The following ASCC3 variants were observed in gnomAD, a reference collection of about 807,000 sequenced individuals.
ASCC3 encodes the protein activating signal cointegrator 1 complex subunit 3, also known as ASC-1 complex subunit P200.
In ASCC3, 158 loss-of-function variants were observed where a neutral mutation model predicts 256.3. The observed-to-expected ratio is 0.62, with a 90% confidence interval of 0.54 to 0.70. ASCC3 has a LOEUF of 0.70. Ranked by LOEUF, ASCC3 falls within the 30% of genes least tolerant of loss-of-function variation. The pLI is 0.00. For missense variants in ASCC3, 2,259 were observed against 2,626.0 expected (o/e 0.86, Z 3.05); for synonymous variants, 948 against 883.4 (o/e 1.07, Z -1.30).
At position 100,867,991 on chromosome 6, in the gene ASCC3, AAGCCATCTATTATTCAATC is replaced by A; in HGVS notation, c.-13_6del. ...CGCAAGGCTCCTGTGAGACGAGGTA[AAGCCATCTATTATTCAATC>A]AGTGATCCATACAGCAAGAAACCTG... On this transcript the variant is annotated start_lost and 5_prime_UTR_variant, in exon 2 of 42. Coordinates refer to ENST00000369162, the MANE Select transcript of ASCC3 (RefSeq NM_006828.4). The A allele has an allele frequency of 6.2e-7, 1 of 1,612,136 alleles. No homozygotes were observed. The highest frequency in any genetic ancestry group is 1.1e-5 in the South Asian group (1 of 90,984).
chr6:100,583,627 A>T (rs141602435), intron 36 of ASCC3, among the ~76,000 whole-genome samples: 5,176 of 152,112 alleles, frequency 0.034, 266 homozygotes, highest in African/African-American at 0.12. Context: ...TGCCTTCTGC[A>T]AGCTTTTGAA....
chr6:100,838,311 T>A (rs1411311818), intron 4 of ASCC3, among the ~76,000 whole-genome samples: 1 of 151,988 alleles, frequency 6.6e-6, no homozygotes, highest in Non-Finnish European at 1.5e-5. Context: ...GAATTGACAG[T>A]TCATATGGAT....
chr6:100,877,455 T>C (rs1372539811), intron 1 of ASCC3, among the ~76,000 whole-genome samples: 1 of 152,206 alleles, frequency 6.6e-6, no homozygotes, highest in Non-Finnish European at 1.5e-5. Context: ...TTTTTAAAAA[T>C]TGAGTTGTGA....
At chr6:100,570,766 T>C (rs1184647821) in intron 36 of ASCC3, among the ~76,000 whole-genome samples, 2 of 152,202 alleles carry the variant, frequency 1.3e-5, no homozygotes, top group Admixed American at 1.3e-4. Context: ...CTTTATTCAT[T>C]GCTTTTCACC....
intron 11 of ASCC3, among the ~76,000 whole-genome samples, chr6:100,723,339 T>G (rs1779435113): frequency 6.6e-6 from 1 of 151,736 alleles, no homozygotes; most frequent in African/African-American, 2.4e-5. Flanking sequence ...AAAATATTTA[T>G]GCATCCAAAT....
chr6:100,632,165 A>T (rs1774582383), intron 25 of ASCC3, among the ~76,000 whole-genome samples: 1 of 144,534 alleles, frequency 6.9e-6, no homozygotes, highest in Non-Finnish European at 1.5e-5. Context: ...TAGAATATAT[A>T]CTGTTAGCAA....
chr6:100,738,473 A>T (rs556299770), intron 10 of ASCC3, among the ~76,000 whole-genome samples: 42 of 152,164 alleles, frequency 2.8e-4, no homozygotes, highest in Non-Finnish European at 5.4e-4. Context: ...TTAAATAGGG[A>T]ATCCTTTCCC....
chr6:100,723,305 G>A (rs1013248111), intron 11 of ASCC3, among the ~76,000 whole-genome samples: 2 of 151,428 alleles, frequency 1.3e-5, no homozygotes, highest in African/African-American at 2.4e-5. Context: ...AATTTCAGGG[G>A]TGTGTCTTAC....
intron 30 of ASCC3, 121 bp from the exon 31 acceptor site, chr6:100,607,209 T>A: frequency 9.8e-7 from 1 of 1,017,340 alleles, no homozygotes; most frequent in Non-Finnish European, 1.5e-6. Context: ...AAAATATAAG[T>A]CCTATATACA....
At chr6:100,727,333 T>C (rs1241167725) in intron 10 of ASCC3, among the ~76,000 whole-genome samples, 4 of 151,862 alleles carry the variant, frequency 2.6e-5, no homozygotes. Flanking sequence ...CACGCCCAAA[T>C]CCGCGTATTC....
chr6:100,685,072 G>C (rs1777505001), intron 13 of ASCC3, among the ~76,000 whole-genome samples: 1 of 152,094 alleles, frequency 6.6e-6, no homozygotes, highest in Admixed American at 6.5e-5. Context: ...CTCCCAAAGT[G>C]CTGGGATTAC....
At position 100,768,928 on chromosome 6, in the gene ASCC3, T is replaced by C. The variant is rs561373369; in HGVS notation, c.1396-1583A>G. On this transcript the variant is annotated intron_variant, in intron 8 of 41. Coordinates refer to ENST00000369162, the MANE Select transcript of ASCC3 (RefSeq NM_006828.4). ...TTATTAGAAAGATACTTGGAAAATATCTAAATATTTGAAATGAAATAGCAC... is the reference window on the plus strand; with the variant it reads ...TTATTAGAAAGATACTTGGAAAATACCTAAATATTTGAAATGAAATAGCAC... Among the ~76,000 whole-genome samples, 37 of 152,208 alleles carry C rather than the reference T, an allele frequency of 2.4e-4. No individual in the cohort carries two copies. In the South Asian group the frequency reaches 5.2e-3, roughly 21 times the overall value.
At chr6:100,676,561 T>G (rs1329792503) in intron 14 of ASCC3, among the ~76,000 whole-genome samples, 2 of 152,206 alleles carry the variant, frequency 1.3e-5, no homozygotes, top group Non-Finnish European at 2.9e-5. Context: ...ACATTCTTGT[T>G]TCAGTGGACA....
At chr6:100,820,278 C>T (rs1770972100) in intron 4 of ASCC3, among the ~76,000 whole-genome samples, 1 of 130,600 alleles carries the variant, frequency 7.7e-6, no homozygotes, top group Non-Finnish European at 1.8e-5. Flanking sequence ...GAGTGTAGTA[C>T]CAGCATGAGG....
intron 4 of ASCC3, among the ~76,000 whole-genome samples, chr6:100,831,635 C>T (rs1012389475): frequency 1.3e-5 from 2 of 152,068 alleles, no homozygotes; most frequent in Non-Finnish European, 2.9e-5. Context: ...GGGGCCACAG[C>T]TACTATAGAA....
intron 29 of ASCC3, 124 bp downstream of exon 29, chr6:100,627,466 G>T: frequency 7.8e-7 from 1 of 1,283,558 alleles, no homozygotes. Flanking sequence ...GAGACAAACA[G>T]TTTTAGATAT....
chr6:100,590,571 G>A (rs1254247127), intron 34 of ASCC3, among the ~76,000 whole-genome samples: 1 of 151,942 alleles, frequency 6.6e-6, no homozygotes, highest in African/African-American at 2.4e-5. Flanking sequence ...AGTCAGCATG[G>A]GTAATTTATA....
At chr6:100,855,584 C>T (rs781571174) in intron 3 of ASCC3, among the ~76,000 whole-genome samples, 1 of 152,182 alleles carries the variant, frequency 6.6e-6, no homozygotes, top group Non-Finnish European at 1.5e-5. Flanking sequence ...GTCTTTGAAA[C>T]ATTCAAAACA....
At chr6:100,789,189 T>A (rs907960609) in intron 8 of ASCC3, among the ~76,000 whole-genome samples, 2 of 151,930 alleles carry the variant, frequency 1.3e-5, no homozygotes, top group African/African-American at 4.8e-5. Context: ...TTGATCATCT[T>A]ATCTTTAAAT....
Sources: allele counts gnomAD v4.1 joint callset (sites outside exome capture counted in the v4.1 genomes callset), GRCh38; gene constraint gnomAD v4.1.1; transcripts MANE v1.5; gene names NCBI Gene and HGNC (gene_info 2026-07-23, HGNC 2026-07-21).